The following SOX30 variants were observed in gnomAD, a reference collection of about 807,000 sequenced individuals.
The protein encoded by SOX30 is SRY-box transcription factor 30, also known as transcription factor SOX-30.
Under a neutral mutation model 58.6 loss-of-function variants are expected in SOX30, and 17 were observed. That is an observed-to-expected ratio of 0.29 (90% CI 0.20 to 0.44). The LOEUF is 0.44. SOX30 is among the 20% of genes least tolerant of loss of function. The pLI is 1.00. For synonymous variants in SOX30, 421 were observed against 400.2 expected, an observed-to-expected ratio of 1.05 and a Z score of -0.62; for missense variants, 951 against 965.8, an observed-to-expected ratio of 0.98 and a Z score of 0.20.
At position 157,626,713 on chromosome 5, in the gene SOX30, G is replaced by T. The variant is rs1295092055; in HGVS notation, c.1889C>A (p.Pro630His). 6.3e-7 allele frequency: 1 copy of T among 1,598,390 alleles called. No individual in the cohort carries two copies. The highest frequency in any genetic ancestry group is 8.5e-7 in the Non-Finnish European group (1 of 1,173,692). Reference sequence around the variant, plus strand: ...ATAGCCAAAGGGAGGCCGACTGTAAGGGCATGTACTGCAGCAGAAAAACAC... The same window carrying T: ...ATAGCCAAAGGGAGGCCGACTGTAATGGCATGTACTGCAGCAGAAAAACAC... The part of the protein sequence containing the change: ...GPHYFPSSTC[P>H]YSRPPFGYGN... Residue 630 changes from proline (P) to histidine (H), a missense_variant, in exon 5 of 5, where the codon CCT becomes CAT. By Grantham distance (77) the Pro-to-His change is moderately conservative. Transcript: ENST00000265007.
At chr5:157,631,411 G>T (rs1461593527) in intron 4 of SOX30, among the ~76,000 whole-genome samples, 2 of 152,004 alleles carry the variant, frequency 1.3e-5, no homozygotes, top group Non-Finnish European at 2.9e-5. Context: ...CTTGAGCTTT[G>T]CTCTTGGGTG....
In SOX30 at chr5:157,630,931, TA is replaced by T. The variant is rs1217518405; in HGVS notation, c.1881-4211del. On this transcript the variant is annotated intron_variant, in intron 4 of 4. Transcript: ENST00000265007. Reference sequence around the variant, plus strand: ...AATATATAATATCTATATTATATATTATATATATATACTATATATATTGTAT... The same window carrying T: ...AATATATAATATCTATATTATATATTTATATATATACTATATATATTGTAT... Among the ~76,000 whole-genome samples the T allele has an allele frequency of 2.3e-3, 292 of 126,112 alleles. 4 individuals carry two copies. Among genetic ancestry groups the T allele is most frequent in the Admixed American group, 0.02 (225 of 11,254 alleles). The allele number at this position is 126,112 out of a possible 152,430, so 82.7% of individuals were successfully genotyped here. A position where few individuals can be genotyped will look rare whatever the true frequency, so the allele number is the denominator to read the frequency against.
Position 157,640,852 on chromosome 5 carries a change from G to C in SOX30, c.1388-2130C>G, listed in dbSNP as rs533524080. Among the ~76,000 whole-genome samples the C allele has an allele frequency of 3.9e-5, 6 of 152,164 alleles. No individual in the cohort carries two copies. In the East Asian group the frequency reaches 1.2e-3, roughly 29 times the overall value. On this transcript the variant is annotated intron_variant, in intron 3 of 4. Coordinates refer to ENST00000265007, the MANE Select transcript of SOX30 (RefSeq NM_178424.2). ...GTCTGCACACCCTGCACTCCACCTC[G>C]CATATGTAATGACACTCAGCTACCT...
rs201821051 is a variant in SOX30 at position 157,651,688 on chromosome 5, G to A, written c.391C>T (p.Leu131=). 5.6e-6 allele frequency: 9 copies of A among 1,602,032 alleles called. No individual in the cohort carries two copies. The highest frequency in any genetic ancestry group is 4.5e-5 in the East Asian group (2 of 44,184). Residue 131 remains leucine (L), a synonymous_variant, in exon 1 of 5, where the codon CTG becomes TTG. Transcript: ENST00000265007. ...SRPELHPVQP[L]ALHVKAKKQK... is the part of the protein sequence containing the mutation. ...TTCTTGGCCTTGACATGCAGCGCCA[G>A]GGGCTGCACCGGGTGCAACTCGGGC...
chr5:157,643,920 A>G (rs1415073964), intron 3 of SOX30, among the ~76,000 whole-genome samples: 1 of 152,180 alleles, frequency 6.6e-6, no homozygotes, highest in Non-Finnish European at 1.5e-5. Flanking sequence ...TTCACAAATG[A>G]TTTAGAATAT....
chr5:157,629,210 T>A (rs893144110), intron 4 of SOX30, among the ~76,000 whole-genome samples: 2 of 152,120 alleles, frequency 1.3e-5, no homozygotes, highest in Non-Finnish European at 2.9e-5. Context: ...ATAACCCAAA[T>A]ACCCTGACTT....
chr5:157,651,819 T>A lies in SOX30; in HGVS notation c.260A>T (p.Gln87Leu). The A allele has an allele frequency of 7.6e-6, 12 of 1,586,644 alleles. No individual in the cohort carries two copies. Among genetic ancestry groups the A allele is most frequent in the Non-Finnish European group, 1.0e-5 (12 of 1,170,494 alleles). ...QVLLLPQPQA[Q>L]NEEAAASSAQ... ...GGACGAGGCAGCGGCTTCCTCGTTC[T>A]GGGCCTGAGGCTGTGGTAGCAGCAA... The change falls in exon 1 of 5, where the codon CAG (glutamine) becomes CTG (leucine). Residue 87 changes from glutamine to leucine, a missense_variant. By Grantham distance (113) the Gln-to-Leu change is moderately radical. Coordinates refer to ENST00000265007, the MANE Select transcript of SOX30 (RefSeq NM_178424.2).
At position 157,667,678 on chromosome 5, in the gene SOX30, G is replaced by T; in HGVS notation, c.52+120C>A. ...CACTTGAACCCAGGTCGCAGAGGCT[G>T]CAGTGACCTGATATCATGCCACTGC... On this transcript the variant is annotated intron_variant, in intron 2 of 5. Coordinates refer to the SOX30 transcript ENST00000519442. 1.3e-5 allele frequency: 18 copies of T among 1,363,308 alleles called. No individual in the cohort carries two copies. In the South Asian group the frequency reaches 2.5e-4, roughly 19 times the overall value. 84.5% of individuals were successfully genotyped at this position (1,363,308 alleles called of 1,614,324 possible).
chr5:157,638,713 G>A lies in SOX30; in HGVS notation c.1397C>T (p.Ser466Leu). Residue 466 changes from serine to leucine, a missense_variant, in exon 4 of 5, where the codon TCA (serine) becomes TTA (leucine). Coordinates refer to ENST00000265007, the MANE Select transcript of SOX30 (RefSeq NM_178424.2). ...AGGTGTGGGCAGCTGGATAGCAGGT[G>A]AGGTTTCACCTTTAGAAATAAAAAT... The part of the protein sequence containing the change: ...NPITHPVGET[S>L]PAIQLPTPAV... The A allele has an allele frequency of 6.2e-7, 1 of 1,604,892 alleles. No homozygotes were observed. Among genetic ancestry groups the A allele is most frequent in the Non-Finnish European group, 8.5e-7 (1 of 1,175,034 alleles).
chr5:157,649,033 A>T, intron 1 of SOX30, 137 bp from the exon 2 acceptor site: 1 of 1,135,610 alleles, frequency 8.8e-7, no homozygotes. Context: ...TAACCAAAAA[A>T]ACCTGCCAGT....
intron 4 of SOX30, among the ~76,000 whole-genome samples, chr5:157,627,790 C>G (rs960916982): frequency 1.3e-5 from 2 of 152,020 alleles, no homozygotes; most frequent in East Asian, 1.9e-4. Context: ...GTCAGGAGAT[C>G]GAGACCATCC....
rs1759377795 is a variant in SOX30 at position 157,652,309 on chromosome 5, T to G, written c.-231A>C. On this transcript the variant is annotated 5_prime_UTR_variant, in exon 1 of 5. Coordinates refer to ENST00000265007, the MANE Select transcript of SOX30 (RefSeq NM_178424.2). ...CCTGGTCCCTACTCTCGCCTCGTGC[T>G]GAGTCCTCGAATCACCTGCCATGGT... 8.1e-7 allele frequency: 1 copy of G among 1,227,712 alleles called. No homozygotes were observed. Among genetic ancestry groups the G allele is most frequent in the East Asian group, 3.3e-5 (1 of 30,604 alleles). 76.1% of individuals were successfully genotyped at this position (1,227,712 alleles called of 1,614,324 possible).
At chr5:157,630,826 C>T (rs1347609478) in intron 4 of SOX30, among the ~76,000 whole-genome samples, 1 of 139,232 alleles carries the variant, frequency 7.2e-6, no homozygotes, top group Non-Finnish European at 1.5e-5. Flanking sequence ...CTGGATTTCC[C>T]ATTTATATAT....
At chr5:157,642,510 A>G (rs141218269) in intron 3 of SOX30, among the ~76,000 whole-genome samples, 1 of 152,244 alleles carries the variant, frequency 6.6e-6, no homozygotes, top group African/African-American at 2.4e-5. Context: ...GATATTGGCT[A>G]GGGAAAAAGG....
intron 3 of SOX30, among the ~76,000 whole-genome samples, chr5:157,645,768 C>A (rs2113845171): frequency 6.6e-6 from 1 of 152,130 alleles, no homozygotes; most frequent in Middle Eastern, 3.4e-3. Context: ...CACCTGTAAT[C>A]CCAGCAGTTT....
At chr5:157,650,824 C>A (rs947916128) in intron 1 of SOX30, among the ~76,000 whole-genome samples, 3 of 152,146 alleles carry the variant, frequency 2.0e-5, no homozygotes, top group Non-Finnish European at 4.4e-5. Flanking sequence ...GAGGGCTATG[C>A]GCTGTCTAGC....
upstream of SOX30, among the ~76,000 whole-genome samples, chr5:157,652,980 T>C (rs1486261771): frequency 2.0e-5 from 3 of 152,228 alleles, no homozygotes; most frequent in African/African-American, 7.2e-5. Flanking sequence ...TAGCAAAGCC[T>C]TAAAAATCCC....
intron 4 of SOX30, among the ~76,000 whole-genome samples, chr5:157,627,026 A>G (rs568822932): frequency 6.6e-6 from 1 of 152,342 alleles, no homozygotes; most frequent in South Asian, 2.1e-4. Context: ...CTCATACCAT[A>G]TAAGGTTTTG....
At chr5:157,626,768 T>G in intron 4 of SOX30, 47 bp from the exon 5 acceptor site, 1 of 1,543,272 alleles carries the variant, frequency 6.5e-7, no homozygotes, top group Non-Finnish European at 8.7e-7. Flanking sequence ...GCCCACATAT[T>G]GCCTTGCATA....
Sources: gnomAD v4.1 joint callset for allele counts (sites outside exome capture counted in the v4.1 genomes callset) on GRCh38, gnomAD v4.1.1 for gene constraint, MANE v1.5 for transcripts, NCBI Gene and HGNC (gene_info 2026-07-23, HGNC 2026-07-21) for gene names.